SMARCB1: variants seen among roughly 807,000 people sequenced by gnomAD.
SMARCB1 encodes SWI/SNF-related matrix-associated actin-dependent regulator of chromatin subfamily B member 1.
In SMARCB1, 5 loss-of-function variants were observed where a neutral mutation model predicts 49.0. That is an observed-to-expected ratio of 0.10 (90% confidence interval 0.05 to 0.21). The LOEUF (loss-of-function observed/expected upper bound fraction) is 0.21. Ranked by LOEUF, SMARCB1 falls within the 10% of genes least tolerant of loss-of-function variation. SMARCB1 has a pLI of 1.00. For synonymous variants in SMARCB1, 201 were observed against 200.1 expected (o/e 1.00, Z -0.04); for missense variants, 226 against 509.2 (o/e 0.44, Z 5.35).
intron 3 of SMARCB1, among the ~76,000 whole-genome samples, chr22:23,794,001 A>G (rs1265462365): frequency 6.6e-6 from 1 of 151,936 alleles, no homozygotes. Flanking sequence ...ATGGAGTGCA[A>G]TGGCGTGATC....
intron 1 of SMARCB1, among the ~76,000 whole-genome samples, chr22:23,790,791 T>C (rs1928331225): frequency 6.6e-6 from 1 of 152,138 alleles, no homozygotes. Flanking sequence ...TGCAGTGAGC[T>C]ATGATCGATC....
intron 5 of SMARCB1, among the ~76,000 whole-genome samples, chr22:23,805,440 G>A (rs777006642): frequency 1.3e-5 from 2 of 152,156 alleles, no homozygotes; most frequent in Non-Finnish European, 2.9e-5. Context: ...ATAGTTATTT[G>A]TTAATTCTTT....
chr22:23,819,598 C>T (rs2029969364), intron 6 of SMARCB1, among the ~76,000 whole-genome samples: 1 of 152,112 alleles, frequency 6.6e-6, no homozygotes, highest in Non-Finnish European at 1.5e-5. Context: ...CCACCTCGGC[C>T]TCCTAAAGTG....
At chr22:23,800,890 G>A (rs34560376) in intron 3 of SMARCB1, 54 bp from the exon 4 acceptor site, 15 of 1,316,362 alleles carry the variant, frequency 1.1e-5, no homozygotes, top group Admixed American at 1.7e-5. Context: ...GATTCCTGGT[G>A]GGCAGGATCA....
Position 23,801,192 on chromosome 22 carries a change from C to A in SMARCB1, c.500+111C>A, listed in dbSNP as rs35070121. 787 of 1,443,794 alleles carry A rather than the reference C, an allele frequency of 5.5e-4. 8 individuals carry two copies. Among genetic ancestry groups the A allele is most frequent in the South Asian group, 4.5e-3 (385 of 85,494 alleles). 89.4% of individuals were successfully genotyped at this position (1,443,794 alleles called of 1,614,324 possible). A position where few individuals can be genotyped will look rare whatever the true frequency, so the allele number is the denominator to read the frequency against. ...CACTCTGCTTTGACCTTGTGCTCCC[C>A]ACAACGCCACAGTACCTCCTCGCCT... On this transcript the variant is annotated intron_variant, in intron 4 of 8. Coordinates refer to ENST00000644036, the MANE Select transcript of SMARCB1 (RefSeq NM_003073.5).
chr22:23,807,340 G>A (rs1424674262), intron 5 of SMARCB1, among the ~76,000 whole-genome samples: 3 of 150,494 alleles, frequency 2.0e-5, no homozygotes, highest in African/African-American at 2.5e-5. Flanking sequence ...AGTTGCTCAC[G>A]CCTGAGGCTG....
In SMARCB1 at chr22:23,791,763, A is replaced by G. The variant is rs2145959891; in HGVS notation, c.101A>G (p.Asn34Ser). The G allele has an allele frequency of 6.2e-7, 1 of 1,614,056 alleles. No homozygotes were observed. The highest frequency in any genetic ancestry group is 8.5e-7 in the Non-Finnish European group (1 of 1,179,958). ...TTCTTGCTTTACTCATAGGTGGGAA[A>G]CTACCTCCGTATGTTCCGAGGTTCT... The part of the protein sequence containing the change: ...EFYMIGSEVG[N>S]YLRMFRGSLY... Residue 34 changes from asparagine (N) to serine (S), a missense_variant, in exon 2 of 9, where the codon AAC (asparagine) becomes AGC (serine). By Grantham distance (46) the Asn-to-Ser change is conservative. Coordinates refer to ENST00000644036, the MANE Select transcript of SMARCB1 (RefSeq NM_003073.5).
intron 5 of SMARCB1, among the ~76,000 whole-genome samples, chr22:23,811,639 TACAC>T (rs1334783718): frequency 2.0e-5 from 3 of 152,102 alleles, no homozygotes; most frequent in African/African-American, 7.2e-5. Flanking sequence ...TTTAAAAACA[TACAC>T]AGACCTAAAT....
chr22:23,832,821 C>T (rs568260210), intron 7 of SMARCB1, among the ~76,000 whole-genome samples: 1 of 152,366 alleles, frequency 6.6e-6, no homozygotes, highest in African/African-American at 2.4e-5. Flanking sequence ...GTGCCCACCC[C>T]ATGCCTGTTT....
At chr22:23,790,834 G>A (rs552599186) in intron 1 of SMARCB1, among the ~76,000 whole-genome samples, 1 of 152,192 alleles carries the variant, frequency 6.6e-6, no homozygotes, top group South Asian at 2.1e-4. Flanking sequence ...GTGACAGAGC[G>A]AGACCCTGTC....
chr22:23,825,494 G>A, intron 7 of SMARCB1, 79 bp downstream of exon 7: 1 of 1,301,194 alleles, frequency 7.7e-7, no homozygotes, highest in Non-Finnish European at 1.1e-6. Flanking sequence ...TGTGAGCGGT[G>A]ATACCTTTGA....
At chr22:23,802,443 C>A (rs1210674958) in intron 4 of SMARCB1, 2 of 152,728 alleles carry the variant, frequency 1.3e-5, no homozygotes, top group Admixed American at 6.6e-5. Context: ...CCCCCTCCTC[C>A]TTTTCCTTCT....
intron 3 of SMARCB1, among the ~76,000 whole-genome samples, chr22:23,799,370 C>T (rs1928985635): frequency 1.3e-5 from 2 of 151,922 alleles, no homozygotes; most frequent in Non-Finnish European, 2.9e-5. Flanking sequence ...CCTCCGCCTC[C>T]TGGGTTCAAG....
intron 5 of SMARCB1, among the ~76,000 whole-genome samples, chr22:23,807,595 TAAA>T (rs3062485): frequency 1.9e-3 from 276 of 147,990 alleles, no homozygotes; most frequent in Non-Finnish European, 2.5e-3. Flanking sequence ...TTTTTAAAGT[TAAA>T]AAAAAAAATC....
Position 23,837,853 on chromosome 22 carries a change from A to G in SMARCB1, c.*3673A>G. The G allele has an allele frequency of 6.2e-7, 1 of 1,610,802 alleles. No individual in the cohort carries two copies. The highest frequency in any genetic ancestry group is 8.5e-7 in the Non-Finnish European group (1 of 1,178,112). ...GAACAGGCTGCCCAGGAGTCCCAGC[A>G]GCTGGGCCAGAGTCAAGGTGCTCCG... On this transcript the variant is annotated 3_prime_UTR_variant, in exon 9 of 9. Coordinates refer to ENST00000644036, the MANE Select transcript of SMARCB1 (RefSeq NM_003073.5).
intron 5 of SMARCB1, among the ~76,000 whole-genome samples, chr22:23,812,875 T>TC (rs1929966002): frequency 6.6e-6 from 1 of 151,576 alleles, no homozygotes; most frequent in Admixed American, 6.6e-5. Context: ...ATTTTTTTTT[T>TC]TTTTTTTTAG....
chr22:23,803,868 T>G (rs17003930), intron 5 of SMARCB1: 46,554 of 270,220 alleles, frequency 0.17, 4,827 homozygotes, highest in African/African-American at 0.3. Flanking sequence ...AAGTCCTGGG[T>G]CAGATGCCAT....
chr22:23,830,334 T>C (rs1568960472), intron 7 of SMARCB1, among the ~76,000 whole-genome samples: 1 of 152,214 alleles, frequency 6.6e-6, no homozygotes, highest in African/African-American at 2.4e-5. Flanking sequence ...TTTTTGATCG[T>C]AGCCGTCTGA....
At chr22:23,816,494 G>T in intron 5 of SMARCB1, 1 of 585,748 alleles carries the variant, frequency 1.7e-6, no homozygotes, top group South Asian at 2.0e-5. Flanking sequence ...AATCTCATGC[G>T]CCCACCCAGC....
Sources: gnomAD v4.1 joint callset for allele counts (sites outside exome capture counted in the v4.1 genomes callset) on GRCh38, gnomAD v4.1.1 for gene constraint, MANE v1.5 for transcripts, NCBI Gene and HGNC (gene_info 2026-07-23, HGNC 2026-07-21) for gene names.